RNF13: variants seen among roughly 807,000 people sequenced by gnomAD.
RNF13 encodes the protein E3 ubiquitin-protein ligase RNF13.
Under a neutral mutation model 37.7 loss-of-function variants are expected in RNF13, and 19 were observed. That is an observed-to-expected ratio of 0.50 (90% CI 0.35 to 0.74). RNF13 has a LOEUF of 0.74. Among genes scored for constraint, RNF13 ranks in the 30% least tolerant of loss-of-function variants. The pLI is 0.01. For missense variants in RNF13, 375 were observed against 453.0 expected (o/e 0.83, Z 1.56); for synonymous variants, 144 against 157.8 (o/e 0.91, Z 0.65).
chr3:149,887,905 T>G (rs780290927), intron 4 of RNF13, among the ~76,000 whole-genome samples: 29 of 152,190 alleles, frequency 1.9e-4, no homozygotes, highest in Non-Finnish European at 2.1e-4. Context: ...TAACAGAAGA[T>G]ATTTTAAAAT....
At chr3:149,854,136 A>C (rs1723419215) in intron 3 of RNF13, among the ~76,000 whole-genome samples, 1 of 151,982 alleles carries the variant, frequency 6.6e-6, no homozygotes, top group African/African-American at 2.4e-5. Context: ...GTGCCTAGCC[A>C]GAATTTCTTA....
intron 3 of RNF13, among the ~76,000 whole-genome samples, chr3:149,868,200 T>G (rs902250022): frequency 6.6e-6 from 1 of 151,862 alleles, no homozygotes; most frequent in Non-Finnish European, 1.5e-5. Context: ...TAAATAGATT[T>G]GTCTTCTGGA....
intron 4 of RNF13, among the ~76,000 whole-genome samples, chr3:149,884,788 A>G (rs1441589639): frequency 1.5e-4 from 23 of 152,032 alleles, no homozygotes; most frequent in African/African-American, 5.3e-4. Context: ...TTTAGAATGT[A>G]CAATTAAATT....
intron 1 of RNF13, among the ~76,000 whole-genome samples, chr3:149,814,892 A>G (rs912507802): frequency 6.6e-6 from 1 of 151,042 alleles, no homozygotes. Context: ...AGAGAGGCAC[A>G]GTTATTTTTC....
chr3:149,909,851 G>C (rs535010418), intron 6 of RNF13, among the ~76,000 whole-genome samples: 1 of 151,284 alleles, frequency 6.6e-6, no homozygotes, highest in Non-Finnish European at 1.5e-5. Flanking sequence ...TAGAAGCTCT[G>C]TTTATTTCTG....
chr3:149,951,609 G>C (rs2108603024), intron 8 of RNF13, among the ~76,000 whole-genome samples: 1 of 152,236 alleles, frequency 6.6e-6, no homozygotes, highest in Non-Finnish European at 1.5e-5. Flanking sequence ...ACTTTAGTTG[G>C]GGTTGTTTGT....
At chr3:149,920,662 C>T (rs1177208486) in intron 7 of RNF13, among the ~76,000 whole-genome samples, 11 of 151,912 alleles carry the variant, frequency 7.2e-5, no homozygotes, top group East Asian at 1.9e-4. Context: ...ACATTTTATC[C>T]GGCATTTCTG....
chr3:149,912,276 G>A (rs900915779), intron 7 of RNF13, among the ~76,000 whole-genome samples, 193 bp downstream of exon 7: 3 of 152,074 alleles, frequency 2.0e-5, no homozygotes, highest in African/African-American at 4.8e-5. Context: ...CCTCTGCCGC[G>A]GGGGGTTAGA....
intron 4 of RNF13, among the ~76,000 whole-genome samples, chr3:149,881,623 A>C (rs1196005224): frequency 6.6e-6 from 1 of 152,140 alleles, no homozygotes; most frequent in Non-Finnish European, 1.5e-5. Context: ...GAGCTACTGC[A>C]CCCGGCCAAC....
intron 3 of RNF13, among the ~76,000 whole-genome samples, chr3:149,870,261 T>G (rs1238995771): frequency 6.6e-6 from 1 of 151,276 alleles, no homozygotes; most frequent in Non-Finnish European, 1.5e-5. Flanking sequence ...AAACAGTGAG[T>G]TGGAGGGAAA....
chr3:149,846,265 A>G, intron 2 of RNF13, 125 bp downstream of exon 2: 1 of 590,922 alleles, frequency 1.7e-6, no homozygotes, highest in Non-Finnish European at 3.0e-6. Context: ...ACCCCAACAC[A>G]TATACACAGT....
intron 4 of RNF13, among the ~76,000 whole-genome samples, chr3:149,874,448 A>G (rs1712455403): frequency 6.6e-6 from 1 of 152,156 alleles, no homozygotes; most frequent in Non-Finnish European, 1.5e-5. Flanking sequence ...TGTTCCCTAT[A>G]TGATAGGATT....
intron 1 of RNF13, among the ~76,000 whole-genome samples, chr3:149,819,143 C>T (rs921902830): frequency 1.3e-5 from 2 of 152,128 alleles, no homozygotes; most frequent in African/African-American, 2.4e-5. Flanking sequence ...TCTGTTTTTA[C>T]GACTTCTTGT....
chr3:149,846,755 G>A (rs530581407), intron 2 of RNF13, among the ~76,000 whole-genome samples: 22 of 152,110 alleles, frequency 1.4e-4, no homozygotes, highest in Non-Finnish European at 2.9e-4. Flanking sequence ...GAATTTTACT[G>A]TTTTTCTTGG....
rs1182528573 is a variant in RNF13, at chr3:149,813,294, A to C, written c.-76A>C. The stretch of plus-strand genomic sequence containing the variant: ...ATTCAGTCATGAAATCAGGGTAGGG[A>C]CTTCTCCCGCAGCGACGCGGCTGGC... On this transcript the variant is annotated 5_prime_UTR_variant, in exon 1 of 10. Coordinates refer to ENST00000392894, the MANE Select transcript of RNF13 (RefSeq NM_183381.3). The C allele has an allele frequency of 6.6e-6, 1 of 152,048 alleles. No individual in the cohort carries two copies. Among genetic ancestry groups the C allele is most frequent in the Non-Finnish European group, 1.5e-5 (1 of 68,064 alleles). The allele number at this position is 152,048 out of a possible 1,614,324, so 9.4% of individuals were successfully genotyped here.
intron 1 of RNF13, among the ~76,000 whole-genome samples, chr3:149,822,944 T>G (rs1720132260): frequency 6.6e-6 from 1 of 152,130 alleles, no homozygotes; most frequent in South Asian, 2.1e-4. Context: ...TGTTTTTTCT[T>G]GAAGTTTCCA....
At chr3:149,840,562 A>G (rs1485854444) in intron 1 of RNF13, among the ~76,000 whole-genome samples, 1 of 152,104 alleles carries the variant, frequency 6.6e-6, no homozygotes, top group Admixed American at 6.5e-5. Context: ...GATGTATTCT[A>G]TTTGCTGGGG....
chr3:149,918,916 T>G (rs988368323), intron 7 of RNF13, among the ~76,000 whole-genome samples: 1 of 152,150 alleles, frequency 6.6e-6, no homozygotes, highest in African/African-American at 2.4e-5. Context: ...TGATCGGAAT[T>G]TTTTTCTTAT....
chr3:149,913,870 T>C (rs1169778609), intron 7 of RNF13, among the ~76,000 whole-genome samples: 4 of 152,220 alleles, frequency 2.6e-5, no homozygotes, highest in African/African-American at 9.6e-5. Context: ...TCTCCACTTA[T>C]AAAGTTAATA....
Sources: gnomAD v4.1 joint callset for allele counts (sites outside exome capture counted in the v4.1 genomes callset) on GRCh38, gnomAD v4.1.1 for gene constraint, MANE v1.5 for transcripts, NCBI Gene and HGNC (gene_info 2026-07-23, HGNC 2026-07-21) for gene names.